The following PTPRG variants were observed in gnomAD, a reference collection of about 807,000 sequenced individuals.
The protein encoded by PTPRG is receptor-type tyrosine-protein phosphatase gamma.
Under a neutral mutation model 165.3 loss-of-function variants are expected in PTPRG, and 102 were observed. The ratio of observed to expected loss-of-function variants is 0.62; its 90% CI spans 0.53 to 0.73. The LOEUF (loss-of-function observed/expected upper bound fraction) is 0.73. Among genes scored for constraint, PTPRG ranks in the 30% least tolerant of loss-of-function variants. The pLI is 0.00. For missense variants in PTPRG, 1,866 were observed against 1,861.4 expected, an observed-to-expected ratio of 1.00 and a Z score of -0.05; for synonymous variants, 675 against 669.5, an observed-to-expected ratio of 1.01 and a Z score of -0.13.
chr3:61,589,967 G>A (rs918371310), intron 1 of PTPRG, among the ~76,000 whole-genome samples: 6 of 152,150 alleles, frequency 3.9e-5, no homozygotes, highest in Admixed American at 3.9e-4. Context: ...GTGGTGAGAA[G>A]TTGAGGAGTT....
intron 6 of PTPRG, among the ~76,000 whole-genome samples, chr3:62,137,220 A>T (rs760852715): frequency 6.6e-6 from 1 of 152,190 alleles, no homozygotes. Flanking sequence ...GTATTGGTTC[A>T]GTCATTACCA....
intron 2 of PTPRG, among the ~76,000 whole-genome samples, chr3:61,916,760 A>G (rs1215661321): frequency 6.6e-6 from 1 of 152,238 alleles, no homozygotes; most frequent in Non-Finnish European, 1.5e-5. Flanking sequence ...TCCATTTTTC[A>G]AATGAAGACA....
At chr3:62,097,617 C>G (rs1202250148) in intron 5 of PTPRG, among the ~76,000 whole-genome samples, 1 of 152,160 alleles carries the variant, frequency 6.6e-6, no homozygotes, top group African/African-American at 2.4e-5. Context: ...TAGATGATAT[C>G]CTGCATATGA....
intron 2 of PTPRG, among the ~76,000 whole-genome samples, chr3:61,808,020 C>T (rs1344082552): frequency 3.3e-5 from 5 of 152,196 alleles, no homozygotes; most frequent in Non-Finnish European, 7.3e-5. Flanking sequence ...AGCTGCTTTC[C>T]TCAGAACGTG....
intron 4 of PTPRG, among the ~76,000 whole-genome samples, chr3:62,051,123 T>C (rs1369976573): frequency 6.6e-6 from 1 of 152,174 alleles, no homozygotes; most frequent in African/African-American, 2.4e-5. Flanking sequence ...TGTCTCCAGG[T>C]TTCCTGGTCT....
At chr3:62,049,140 G>A (rs1041658592) in intron 4 of PTPRG, among the ~76,000 whole-genome samples, 16 of 151,722 alleles carry the variant, frequency 1.1e-4, no homozygotes, top group African/African-American at 2.4e-4. Flanking sequence ...AACAGAAGCC[G>A]GGGAGAAACG....
chr3:62,244,365 G>A (rs1040294885), intron 15 of PTPRG, among the ~76,000 whole-genome samples: 8 of 152,146 alleles, frequency 5.3e-5, no homozygotes, highest in Non-Finnish European at 1.2e-4. Flanking sequence ...GGTTAGTGTT[G>A]GGGTAGGGAA....
At chr3:61,582,709 T>C (rs1339163175) in intron 1 of PTPRG, among the ~76,000 whole-genome samples, 1 of 152,230 alleles carries the variant, frequency 6.6e-6, no homozygotes, top group Admixed American at 6.5e-5. Context: ...ATGCCTGAGA[T>C]GTCCAGTGGG....
rs779981819 is a variant in PTPRG, at chr3:62,132,612, G to C, written c.626G>C (p.Arg209Thr). The C allele has an allele frequency of 2.5e-6, 4 of 1,610,658 alleles. No homozygotes were observed. Among genetic ancestry groups the C allele is most frequent in the Non-Finnish European group, 3.4e-6 (4 of 1,176,836 alleles). Residue 209 changes from arginine (R) to threonine (T), a missense_variant, in exon 6 of 30, where the codon AGG becomes ACG. By Grantham distance (71) the Arg-to-Thr change is moderately conservative. Around this residue, in one of 3 missense-constraint regions of PTPRG, gnomAD observed 408 missense variants for 376.2 expected, o/e 1.08. Coordinates refer to ENST00000474889, the MANE Select transcript of PTPRG (RefSeq NM_002841.4). The stretch of plus-strand genomic sequence containing the variant: ...TTCCTTTACATTTAGGTCAGTCCGA[G>C]GGACAATTCTGCACTGGATCCTATT... ...AMAIFFQVSPRDNSALDPIIH... is the reference protein window; with the variant it reads ...AMAIFFQVSPTDNSALDPIIH...
chr3:61,914,504 C>T (rs1390331743), intron 2 of PTPRG, among the ~76,000 whole-genome samples: 1 of 152,204 alleles, frequency 6.6e-6, no homozygotes, highest in Non-Finnish European at 1.5e-5. Context: ...GTGTAGGAGG[C>T]AGATACTTGC....
intron 13 of PTPRG, among the ~76,000 whole-genome samples, chr3:62,223,045 G>A (rs1387952981): frequency 6.6e-6 from 1 of 152,098 alleles, no homozygotes; most frequent in Non-Finnish European, 1.5e-5. Flanking sequence ...AGGTGAAGAG[G>A]GTGTGGAAGA....
chr3:62,000,252 G>A (rs971499402), intron 3 of PTPRG, among the ~76,000 whole-genome samples: 1 of 145,346 alleles, frequency 6.9e-6, no homozygotes. Flanking sequence ...TTGCGCTCCA[G>A]CCTGGGCAAC....
intron 2 of PTPRG, among the ~76,000 whole-genome samples, chr3:61,813,914 T>G (rs1229478813): frequency 2.4e-3 from 294 of 120,686 alleles, no homozygotes; most frequent in African/African-American, 8.1e-3. Flanking sequence ...TTGGGGGGGG[T>G]TGGAGTCTCG....
chr3:61,877,806 CTG>C lies in PTPRG; in HGVS notation c.191-111811_191-111810del, dbSNP rs201879360. ...CCAAGGTATTTAAACTCTGAACAAA[CTG>C]TGTGTGTTGTGGAATATATTGGGTT... On this transcript the variant is annotated intron_variant, in intron 2 of 29. Transcript: ENST00000474889. 8.4e-3 allele frequency among the ~76,000 whole-genome samples: 1,281 copies of C among 152,238 alleles called. 12 individuals carry two copies. The highest frequency in any genetic ancestry group is 0.014 in the Non-Finnish European group (971 of 68,016).
At chr3:61,796,259 C>T (rs1022601581) in intron 2 of PTPRG, among the ~76,000 whole-genome samples, 1 of 152,138 alleles carries the variant, frequency 6.6e-6, no homozygotes, top group South Asian at 2.1e-4. Flanking sequence ...GCAGATAACT[C>T]GTTAGGTTTC....
chr3:61,863,703 C>T (rs985021306), intron 2 of PTPRG, among the ~76,000 whole-genome samples: 2 of 152,206 alleles, frequency 1.3e-5, no homozygotes, highest in East Asian at 3.9e-4. Context: ...GGCTCTGCTC[C>T]CTGCTGCTCC....
intron 1 of PTPRG, among the ~76,000 whole-genome samples, chr3:61,744,161 G>A (rs932309382): frequency 2.0e-5 from 3 of 152,092 alleles, no homozygotes; most frequent in South Asian, 2.1e-4. Context: ...ATATTAAGTT[G>A]CTTAATATAC....
intron 2 of PTPRG, among the ~76,000 whole-genome samples, chr3:61,764,478 C>T (rs536390984): frequency 1.2e-4 from 19 of 152,300 alleles, no homozygotes; most frequent in African/African-American, 4.1e-4. Context: ...TACAAAGTAA[C>T]ATGTAGTATC....
At chr3:61,854,558 T>C (rs985612973) in intron 2 of PTPRG, among the ~76,000 whole-genome samples, 1 of 152,220 alleles carries the variant, frequency 6.6e-6, no homozygotes, top group Non-Finnish European at 1.5e-5. Flanking sequence ...ATACATGCTT[T>C]TTAAAACGTG....
Sources: allele counts gnomAD v4.1 joint callset (sites outside exome capture counted in the v4.1 genomes callset), GRCh38; gene constraint gnomAD v4.1.1; regional missense constraint gnomAD v4.1.1; transcripts MANE v1.5; gene names NCBI Gene and HGNC (gene_info 2026-07-23, HGNC 2026-07-21).